The following CDH23 variants were observed in gnomAD, a reference collection of about 807,000 sequenced individuals.
The protein encoded by CDH23 is cadherin related 23.
A neutral mutation model predicts 317.1 loss-of-function variants in CDH23; 189 were observed. The observed-to-expected ratio is 0.60, with a 90% CI of 0.53 to 0.67. The LOEUF is 0.67. CDH23 is among the 30% of genes least tolerant of loss of function. CDH23 has a pLI of 0.00. For synonymous variants in CDH23, 1,839 were observed against 1,876.8 expected (o/e 0.98, Z 0.52); for missense variants, 4,401 against 4,592.4 (o/e 0.96, Z 1.20).
At chr10:71,631,545 C>T (rs1424342564) in intron 11 of CDH23, among the ~76,000 whole-genome samples, 7 of 152,214 alleles carry the variant, frequency 4.6e-5, no homozygotes, top group Admixed American at 6.5e-5. Flanking sequence ...CAAATTAACA[C>T]GCATATCTTA....
intron 8 of CDH23, among the ~76,000 whole-genome samples, chr10:71,575,632 G>A (rs1386335179): frequency 6.6e-6 from 1 of 152,186 alleles, no homozygotes; most frequent in Non-Finnish European, 1.5e-5. Flanking sequence ...GAAGCCCTTG[G>A]CAGGTCGCAC....
At chr10:71,702,938 G>C (rs1392953579) in intron 24 of CDH23, among the ~76,000 whole-genome samples, 3 of 152,146 alleles carry the variant, frequency 2.0e-5, no homozygotes, top group African/African-American at 7.2e-5. Flanking sequence ...AGTTTCTCAG[G>C]GCCTGATTAT....
chr10:71,723,361 T>TA (rs1378861116), intron 28 of CDH23, among the ~76,000 whole-genome samples: 1 of 152,024 alleles, frequency 6.6e-6, no homozygotes, highest in African/African-American at 2.4e-5. Context: ...GCACTCCTTG[T>TA]AAAAAGGGCT....
chr10:71,438,690 G>A (rs970808358), intron 1 of CDH23, among the ~76,000 whole-genome samples: 1 of 152,210 alleles, frequency 6.6e-6, no homozygotes, highest in African/African-American at 2.4e-5. Context: ...TCACTGCCCT[G>A]TGTCTTTCCT....
rs374957294 is a variant in CDH23 at position 71,429,036 on chromosome 10, C to A, written c.-5-10791C>A. On this transcript the variant is annotated intron_variant, in intron 1 of 69. Coordinates refer to ENST00000224721, the MANE Select transcript of CDH23 (RefSeq NM_022124.6). ...ATATTTTCTGTAGGTTGCGTTTTTA[C>A]TCTGTTGATAGTGTCCTCTGATGCA... Among the ~76,000 whole-genome samples, 25 of 152,278 alleles carry A rather than the reference C, an allele frequency of 1.6e-4. No individual in the cohort carries two copies. In the South Asian group the frequency reaches 5.2e-3, roughly 32 times the overall value.
At chr10:71,742,677 T>C (rs1048701581) in intron 38 of CDH23, among the ~76,000 whole-genome samples, 7 of 152,232 alleles carry the variant, frequency 4.6e-5, no homozygotes, top group African/African-American at 1.7e-4. Context: ...ATCTACCTCA[T>C]AGGTGTTGTT....
intron 6 of CDH23, among the ~76,000 whole-genome samples, chr10:71,522,829 G>C (rs1235245816): frequency 6.6e-6 from 1 of 152,116 alleles, no homozygotes; most frequent in Admixed American, 6.5e-5. Flanking sequence ...AGGGAAAAAA[G>C]GAGAGGGGTC....
At chr10:71,667,359 A>AGAGAGAGAGAGTGTGTGTGTGT (rs58361666) in intron 14 of CDH23, among the ~76,000 whole-genome samples, 120 of 112,084 alleles carry the variant, frequency 1.1e-3, no homozygotes, top group Non-Finnish European at 1.7e-3. Context: ...AGAGAGAGAG[A>AGAGAGAGAGAGTGTGTGTGTGT]GTGTGTGTGT....
intron 3 of CDH23, among the ~76,000 whole-genome samples, chr10:71,449,889 C>T (rs1445347249): frequency 1.3e-5 from 2 of 152,240 alleles, no homozygotes; most frequent in African/African-American, 2.4e-5. Context: ...TATCTCCTCA[C>T]CTATCTCAGG....
chr10:71,634,654 T>C (rs904097821), intron 11 of CDH23, among the ~76,000 whole-genome samples: 1 of 152,310 alleles, frequency 6.6e-6, no homozygotes, highest in African/African-American at 2.4e-5. Context: ...ATGGCCTGGC[T>C]TCCCTGGGAT....
chr10:71,643,746 T>C lies in CDH23; in HGVS notation c.1135-115T>C. The C allele has an allele frequency of 4.2e-6, 3 of 709,220 alleles. No individual in the cohort carries two copies. In the South Asian group the frequency reaches 4.7e-5, roughly 11 times the overall value. The allele number at this position is 709,220 out of a possible 1,614,324, so 43.9% of individuals were successfully genotyped here. ...CTCTAGGGTGTGATCCTGGGGTCCC[T>C]CCCATGACCCAGGGTCTCACTGTCT... On this transcript the variant is annotated intron_variant, in intron 11 of 69. Transcript: ENST00000224721.
chr10:71,490,436 C>A (rs893073436), intron 3 of CDH23, among the ~76,000 whole-genome samples: 7 of 152,168 alleles, frequency 4.6e-5, no homozygotes, highest in African/African-American at 1.7e-4. Context: ...ACTGAAGCCA[C>A]ATGGTAGGTC....
At chr10:71,776,883 A>G (rs921649491) in intron 38 of CDH23, among the ~76,000 whole-genome samples, 2 of 152,250 alleles carry the variant, frequency 1.3e-5, no homozygotes, top group Middle Eastern at 3.2e-3. Flanking sequence ...AGCCAGGGTA[A>G]GGCAGTTAGT....
chr10:71,631,654 T>C (rs1177281793), intron 11 of CDH23, among the ~76,000 whole-genome samples: 1 of 152,222 alleles, frequency 6.6e-6, no homozygotes, highest in East Asian at 1.9e-4. Flanking sequence ...CCAGGATTTG[T>C]TTTTCTTTTC....
At chr10:71,485,886 C>T (rs1053968162) in intron 3 of CDH23, among the ~76,000 whole-genome samples, 3 of 152,234 alleles carry the variant, frequency 2.0e-5, no homozygotes, top group Non-Finnish European at 2.9e-5. Context: ...TGCTCATGCC[C>T]AGCTGGCACT....
chr10:71,466,094 T>A (rs1352462446), intron 3 of CDH23, among the ~76,000 whole-genome samples: 1 of 152,130 alleles, frequency 6.6e-6, no homozygotes, highest in Non-Finnish European at 1.5e-5. Context: ...TCTCACCCAC[T>A]CCAGGGCCAC....
chr10:71,445,722 C>T (rs1850124312), intron 2 of CDH23, among the ~76,000 whole-genome samples: 1 of 151,854 alleles, frequency 6.6e-6, no homozygotes, highest in African/African-American at 2.4e-5. Context: ...ATGGGGCATG[C>T]CTGTGGTCCC....
chr10:71,785,547 C>A, intron 43 of CDH23, 84 bp from the exon 44 acceptor site: 1 of 913,036 alleles, frequency 1.1e-6, no homozygotes. Flanking sequence ...TTTAGGGAGG[C>A]CAAGCAGAGC....
intron 7 of CDH23, 26 bp downstream of exon 7, chr10:71,566,962 C>T (rs2132359531): frequency 1.2e-6 from 2 of 1,602,572 alleles, no homozygotes; most frequent in Non-Finnish European, 8.5e-7. Context: ...GGGGCCCCGG[C>T]CGTCCCAGCT....
Sources: allele counts gnomAD v4.1 joint callset (sites outside exome capture counted in the v4.1 genomes callset), GRCh38; gene constraint gnomAD v4.1.1; transcripts MANE v1.5; gene names NCBI Gene and HGNC (gene_info 2026-07-23, HGNC 2026-07-21).